The following PTPRJ variants were observed in gnomAD, a reference collection of about 807,000 sequenced individuals.
PTPRJ encodes receptor-type tyrosine-protein phosphatase eta.
Under a neutral mutation model 141.3 loss-of-function variants are expected in PTPRJ, and 129 were observed. That is an observed-to-expected ratio of 0.91 (90% CI 0.79 to 1.06). The LOEUF (loss-of-function observed/expected upper bound fraction) is 1.06, where lower values mean the gene tolerates loss of function less well. PTPRJ is among the 50% of genes least tolerant of loss of function. PTPRJ has a pLI of 0.00. For missense variants in PTPRJ, 1,601 were observed against 1,679.7 expected (o/e 0.95, Z 0.82); for synonymous variants, 610 against 640.5 (o/e 0.95, Z 0.72).
At chr11:47,996,698 C>CA in intron 1 of PTPRJ, among the ~76,000 whole-genome samples, 1 of 152,336 alleles carries the variant, frequency 6.6e-6, no homozygotes, top group African/African-American at 2.4e-5. Context: ...GAGCACTGGC[C>CA]AGTGTTGCCA....
chr11:48,049,406 G>T (rs1276520568), intron 1 of PTPRJ, among the ~76,000 whole-genome samples: 1 of 151,902 alleles, frequency 6.6e-6, no homozygotes, highest in African/African-American at 2.4e-5. Flanking sequence ...GGCTGGGCAC[G>T]GTGGCTCACA....
intron 18 of PTPRJ, among the ~76,000 whole-genome samples, chr11:48,150,479 C>G (rs1403816467): frequency 6.6e-6 from 1 of 152,184 alleles, no homozygotes; most frequent in Non-Finnish European, 1.5e-5. Context: ...TGGATGTCTA[C>G]CTTGGACTAC....
intron 1 of PTPRJ, among the ~76,000 whole-genome samples, chr11:47,997,372 G>C (rs909011821): frequency 1.3e-5 from 2 of 152,238 alleles, no homozygotes; most frequent in Non-Finnish European, 2.9e-5. Flanking sequence ...CATGCTGGTA[G>C]CTGACTTCCT....
At chr11:48,088,635 T>C (rs1051475040) in intron 1 of PTPRJ, among the ~76,000 whole-genome samples, 3 of 152,076 alleles carry the variant, frequency 2.0e-5, no homozygotes, top group Admixed American at 1.3e-4. Context: ...TCTATAGAGG[T>C]CATCACCTGG....
At chr11:48,066,022 C>T (rs1590459437) in intron 1 of PTPRJ, among the ~76,000 whole-genome samples, 1 of 152,110 alleles carries the variant, frequency 6.6e-6, no homozygotes, top group South Asian at 2.1e-4. Context: ...TGGTGTGCAC[C>T]TGTAGTCCCA....
chr11:48,029,536 AG>A (rs1853926093), intron 1 of PTPRJ, among the ~76,000 whole-genome samples: 1 of 152,238 alleles, frequency 6.6e-6, no homozygotes. Context: ...GTTACAGGAC[AG>A]TAATAAAACT....
chr11:48,125,787 C>G (rs909902545), intron 6 of PTPRJ, among the ~76,000 whole-genome samples: 1 of 152,186 alleles, frequency 6.6e-6, no homozygotes, highest in African/African-American at 2.4e-5. Flanking sequence ...GAAGTTTTGG[C>G]AAGACATTGG....
Position 48,001,230 on chromosome 11 carries a change from T to A in PTPRJ, c.96+20222T>A, listed in dbSNP as rs145789676. ...CTGGTCTTGAACTCCTGGACTTAAGTGATCTGCCTGCCTTGGCATCCCAAA... is the reference window on the plus strand; with the variant it reads ...CTGGTCTTGAACTCCTGGACTTAAGAGATCTGCCTGCCTTGGCATCCCAAA... On this transcript the variant is annotated intron_variant, in intron 1 of 24. Transcript: ENST00000418331. Among the ~76,000 whole-genome samples, 1,110 of 152,186 alleles carry A rather than the reference T, an allele frequency of 7.3e-3. 19 individuals are homozygous for A. The highest frequency in any genetic ancestry group is 0.025 in the African/African-American group (1,050 of 41,494).
chr11:48,155,645 T>C (rs974325845), intron 19 of PTPRJ, among the ~76,000 whole-genome samples, 156 bp from the exon 20 acceptor site: 2 of 152,198 alleles, frequency 1.3e-5, no homozygotes, highest in Non-Finnish European at 2.9e-5. Context: ...CCATGAGGAT[T>C]AAATGAGGTG....
intron 1 of PTPRJ, among the ~76,000 whole-genome samples, chr11:48,053,139 T>A (rs1310887157): frequency 1.1e-4 from 12 of 113,484 alleles, no homozygotes; most frequent in African/African-American, 3.8e-4. Context: ...AATATATAAA[T>A]ATATAAAAAT....
At chr11:48,142,877 T>G in intron 11 of PTPRJ, 42 bp from the exon 12 acceptor site, 1 of 1,581,992 alleles carries the variant, frequency 6.3e-7, no homozygotes, top group East Asian at 2.3e-5. Context: ...TTGCTTTGGT[T>G]TTCAATATTG....
rs1385833359 is a variant in PTPRJ at position 47,980,737 on chromosome 11, C to T, written c.-176C>T. On this transcript the variant is annotated 5_prime_UTR_variant, in exon 1 of 25. Coordinates refer to ENST00000418331, the MANE Select transcript of PTPRJ (RefSeq NM_002843.4). The stretch of plus-strand genomic sequence containing the variant: ...CTCCGGCGTGTGGCCGCGGCCGCCG[C>T]CGCCGCTGCCATGTCTCCGGGGAAG... The T allele has an allele frequency of 3.8e-5, 38 of 1,008,820 alleles. 1 individual carries two copies. Among genetic ancestry groups the T allele is most frequent in the South Asian group, 9.2e-5 (2 of 21,708 alleles). 62.5% of individuals were successfully genotyped at this position (1,008,820 alleles called of 1,614,324 possible).
At chr11:48,037,133 A>C (rs1348382074) in intron 1 of PTPRJ, among the ~76,000 whole-genome samples, 1 of 152,246 alleles carries the variant, frequency 6.6e-6, no homozygotes, top group Non-Finnish European at 1.5e-5. Context: ...CACCCGATTC[A>C]GAACTTTTGT....
At chr11:48,113,088 A>G in intron 3 of PTPRJ, 105 bp downstream of exon 3, 3 of 985,852 alleles carry the variant, frequency 3.0e-6, no homozygotes, top group Non-Finnish European at 4.4e-6. Flanking sequence ...ACCTAAGAAA[A>G]TCTTTTTAAA....
Position 48,109,984 on chromosome 11 carries a change from A to G in PTPRJ, c.97-74A>G, listed in dbSNP as rs1052292452. On this transcript the variant is annotated intron_variant, in intron 1 of 24. Coordinates refer to ENST00000418331, the MANE Select transcript of PTPRJ (RefSeq NM_002843.4). ...CCCCACCCCCATTATTAAATCCTCAACTGCTTTATTTCTGATTTGCATTTT... is the reference window on the plus strand; with the variant it reads ...CCCCACCCCCATTATTAAATCCTCAGCTGCTTTATTTCTGATTTGCATTTT... 2.7e-5 allele frequency: 42 copies of G among 1,551,392 alleles called. No homozygotes were observed. In the Admixed American group the frequency reaches 7.0e-4, roughly 26 times the overall value.
chr11:48,126,577 C>T (rs1352540388), intron 6 of PTPRJ, among the ~76,000 whole-genome samples: 1 of 151,986 alleles, frequency 6.6e-6, no homozygotes, highest in African/African-American at 2.4e-5. Flanking sequence ...TTGCAGACTC[C>T]CTGGGTCTTC....
intron 1 of PTPRJ, among the ~76,000 whole-genome samples, chr11:48,005,507 T>C (rs2134194540): frequency 6.6e-6 from 1 of 152,372 alleles, no homozygotes; most frequent in East Asian, 1.9e-4. Flanking sequence ...GGTCCATCCA[T>C]GTTGGAGCAG....
chr11:47,998,136 T>A (rs1461001059), intron 1 of PTPRJ, among the ~76,000 whole-genome samples: 1 of 151,904 alleles, frequency 6.6e-6, no homozygotes, highest in African/African-American at 2.4e-5. Flanking sequence ...TTTTTTTTTT[T>A]AACCCGAATT....
At chr11:47,995,840 C>A (rs1369847900) in intron 1 of PTPRJ, among the ~76,000 whole-genome samples, 1 of 151,824 alleles carries the variant, frequency 6.6e-6, no homozygotes. Flanking sequence ...GAGTTCAGGA[C>A]CAGCCTGACC....
Sources: gnomAD v4.1 joint callset for allele counts (sites outside exome capture counted in the v4.1 genomes callset) on GRCh38, gnomAD v4.1.1 for gene constraint, MANE v1.5 for transcripts, NCBI Gene and HGNC (gene_info 2026-07-23, HGNC 2026-07-21) for gene names.